Variants in FMNL2 observed in about 807,000 individuals in gnomAD.
The protein encoded by FMNL2 is formin-like protein 2.
Under a neutral mutation model 130.2 loss-of-function variants are expected in FMNL2, and 51 were observed. That is an observed-to-expected ratio of 0.39 (90% CI 0.31 to 0.49). FMNL2 has a LOEUF of 0.49. FMNL2 is among the 20% of genes least tolerant of loss of function. The pLI is 0.85. For synonymous variants in FMNL2, 465 were observed against 467.1 expected (o/e 1.00, Z 0.06); for missense variants, 977 against 1,316.2 (o/e 0.74, Z 3.99).
At chr2:152,631,954 G>C (rs1238737177) in intron 20 of FMNL2, 54 bp from the exon 21 acceptor site, 1 of 1,556,800 alleles carries the variant, frequency 6.4e-7, no homozygotes, top group African/African-American at 1.4e-5. Flanking sequence ...TGAGGGGTAA[G>C]TGTCTTGTTA....
At chr2:152,525,525 G>C (rs897066130) in intron 2 of FMNL2, among the ~76,000 whole-genome samples, 2 of 152,222 alleles carry the variant, frequency 1.3e-5, no homozygotes, top group African/African-American at 4.8e-5. Context: ...CTTGCCTCCT[G>C]ATAGCTGGCT....
chr2:152,606,286 T>G (rs991628749), intron 9 of FMNL2, among the ~76,000 whole-genome samples: 4 of 152,246 alleles, frequency 2.6e-5, no homozygotes, highest in Non-Finnish European at 5.9e-5. Flanking sequence ...GTCTTACTAA[T>G]GCAGCAAATA....
chr2:152,578,459 G>A (rs12693406), intron 7 of FMNL2, among the ~76,000 whole-genome samples: 121,996 of 152,158 alleles, frequency 0.8, 49,154 homozygotes, highest in East Asian at 0.94. Flanking sequence ...GTCTTCCAGG[G>A]GAGTTTAAGG....
At chr2:152,492,901 CTTG>C (rs1691294964) in intron 1 of FMNL2, among the ~76,000 whole-genome samples, 1 of 152,036 alleles carries the variant, frequency 6.6e-6, no homozygotes, top group Non-Finnish European at 1.5e-5. Flanking sequence ...TCTATGTCAC[CTTG>C]TTATGTAAGG....
chr2:152,586,635 C>G (rs573261327), intron 9 of FMNL2, among the ~76,000 whole-genome samples: 4 of 152,260 alleles, frequency 2.6e-5, no homozygotes, highest in Non-Finnish European at 4.4e-5. Flanking sequence ...TCTCTCAAGT[C>G]TCAAACTGTA....
At chr2:152,621,620 T>A (rs1681311261) in intron 15 of FMNL2, among the ~76,000 whole-genome samples, 2 of 152,212 alleles carry the variant, frequency 1.3e-5, no homozygotes, top group Non-Finnish European at 2.9e-5. Flanking sequence ...TTGTGAGGGA[T>A]GTCTTGGAAG....
chr2:152,646,060 C>A (rs1352215133), intron 25 of FMNL2, among the ~76,000 whole-genome samples: 1 of 151,584 alleles, frequency 6.6e-6, no homozygotes, highest in Non-Finnish European at 1.5e-5. Flanking sequence ...GTGGCTCACA[C>A]CTGTAATCTG....
intron 1 of FMNL2, among the ~76,000 whole-genome samples, chr2:152,425,618 C>T (rs989344157): frequency 6.6e-6 from 1 of 152,136 alleles, no homozygotes; most frequent in Non-Finnish European, 1.5e-5. Flanking sequence ...ACAAAACAGC[C>T]ATATATCTTA....
At position 152,598,626 on chromosome 2, in the gene FMNL2, A is replaced by G. The variant is rs563760865; in HGVS notation, c.877-8713A>G. Among the ~76,000 whole-genome samples the G allele has an allele frequency of 2.6e-5, 4 of 152,142 alleles. No individual in the cohort carries two copies. The South Asian group carries it at 8.3e-4, about 32-fold the overall frequency. ...ATTGCTTGAAACCCGGGAGGTAGAG[A>G]TTGCAATGAGCCAAGATTGCGCCAC... On this transcript the variant is annotated intron_variant, in intron 9 of 25. Coordinates refer to ENST00000288670, the MANE Select transcript of FMNL2 (RefSeq NM_052905.4).
intron 10 of FMNL2, 28 bp downstream of exon 10, chr2:152,607,441 A>C (rs1365439029): frequency 6.5e-7 from 1 of 1,547,258 alleles, no homozygotes; most frequent in East Asian, 2.3e-5. Flanking sequence ...TCAATAAAGC[A>C]AACTCAGTTT....
At position 152,614,903 on chromosome 2, in the gene FMNL2, T is replaced by G; in HGVS notation, c.1115T>G (p.Leu372Arg). 6.2e-7 allele frequency: 1 copy of G among 1,613,826 alleles called. No homozygotes were observed. ...DKLQVQIQAY[L>R]DNVFDVGALL... is the part of the protein sequence containing the mutation. ...CTTCAAGTCCAGATCCAGGCTTACC[T>G]GGACAATGTTTTTGATGTAGGAGCT... Residue 372 changes from leucine to arginine, a missense_variant, in exon 12 of 26, where the codon CTG becomes CGG. This residue lies in a region of FMNL2 where 689 missense variants were observed against 995.9 expected (regional missense o/e 0.69). Coordinates refer to ENST00000288670, the MANE Select transcript of FMNL2 (RefSeq NM_052905.4).
chr2:152,390,264 G>C (rs967385350), intron 1 of FMNL2: 1 of 1,448,900 alleles, frequency 6.9e-7, no homozygotes, highest in Non-Finnish European at 9.7e-7. Flanking sequence ...GCACCTCCGG[G>C]TGGGGCTCAA....
rs1383713781 is a variant in FMNL2 at position 152,611,581 on chromosome 2, A to G, written c.1038A>G (p.Lys346=). The change falls in exon 11 of 26, where the codon AAA becomes AAG. Residue 346 remains lysine, a synonymous_variant. Coordinates refer to ENST00000288670, the MANE Select transcript of FMNL2 (RefSeq NM_052905.4). ...FRVHLQYEFT[K]LGLDEYLDKL... ...TTCACCTGCAGTATGAATTTACCAA[A>G]TTAGGCCTGGACGAATACTTGGACG... 3.1e-6 allele frequency: 5 copies of G among 1,602,044 alleles called. No individual in the cohort carries two copies. The South Asian group carries it at 5.6e-5, about 18-fold the overall frequency.
chr2:152,610,492 C>T (rs1698618596), intron 10 of FMNL2, among the ~76,000 whole-genome samples: 1 of 152,328 alleles, frequency 6.6e-6, no homozygotes. Flanking sequence ...CAACCACTAA[C>T]CTGCTTTCTA....
intron 1 of FMNL2, chr2:152,390,167 G>C (rs374081753): frequency 1.6e-6 from 2 of 1,277,148 alleles, no homozygotes; most frequent in Non-Finnish European, 2.3e-6. Context: ...GCTGGACCCA[G>C]AGCCTGTCGG....
At chr2:152,607,262 A>T in intron 9 of FMNL2, 77 bp from the exon 10 acceptor site, 1 of 1,160,868 alleles carries the variant, frequency 8.6e-7, no homozygotes, top group Non-Finnish European at 1.3e-6. Context: ...AATCATTATT[A>T]AGCTGAAATT....
At chr2:152,573,082 A>G (rs1696270699) in intron 6 of FMNL2, among the ~76,000 whole-genome samples, 2 of 152,226 alleles carry the variant, frequency 1.3e-5, no homozygotes, top group South Asian at 4.1e-4. Context: ...TAAAATATAG[A>G]GCAAAATTTC....
chr2:152,517,195 A>G (rs866762264), intron 1 of FMNL2, among the ~76,000 whole-genome samples: 4 of 152,276 alleles, frequency 2.6e-5, no homozygotes, highest in Middle Eastern at 3.4e-3. Flanking sequence ...TTTTTGGAAA[A>G]TAATAAGCAA....
rs139711155 is a variant in FMNL2 at position 152,353,343 on chromosome 2, T to G, written c.117+17623T>G. On this transcript the variant is annotated intron_variant, in intron 1 of 25. Coordinates refer to ENST00000288670, the MANE Select transcript of FMNL2 (RefSeq NM_052905.4). ...AGATTTGAGTGTGTGTCTAGGTATATCTGTGCAAACAACTTGGAAGAATCT... is the reference window on the plus strand; with the variant it reads ...AGATTTGAGTGTGTGTCTAGGTATAGCTGTGCAAACAACTTGGAAGAATCT... Among the ~76,000 whole-genome samples the G allele has an allele frequency of 7.7e-3, 1,177 of 152,300 alleles. 14 individuals are homozygous for G. Among genetic ancestry groups the G allele is most frequent in the African/African-American group, 0.027 (1,132 of 41,558 alleles).
Sources: allele counts gnomAD v4.1 joint callset (sites outside exome capture counted in the v4.1 genomes callset), GRCh38; gene constraint gnomAD v4.1.1; regional missense constraint gnomAD v4.1.1; transcripts MANE v1.5; gene names NCBI Gene and HGNC (gene_info 2026-07-23, HGNC 2026-07-21).